Variants in ADGRV1 observed in about 807,000 individuals in gnomAD.
The protein encoded by ADGRV1 is G-protein coupled receptor 98.
A neutral mutation model predicts 596.2 loss-of-function variants in ADGRV1; 359 were observed. That is an observed-to-expected ratio of 0.60 (90% CI 0.55 to 0.66). ADGRV1 has a LOEUF of 0.66. Among genes scored for constraint, ADGRV1 ranks in the 30% least tolerant of loss-of-function variants. The probability of loss-of-function intolerance (pLI) is 0.00; values close to 1 mark genes in which losing one functional copy is unlikely to be tolerated. For missense variants in ADGRV1, 7,274 were observed against 7,575.6 expected (o/e 0.96, Z 1.48); for synonymous variants, 2,681 against 2,679.2 (o/e 1.00, Z -0.02).
In ADGRV1 at chr5:91,102,229, G is replaced by T; in HGVS notation, c.18321G>T (p.Leu6107=). ...TTTTTTTATTTCTAGAAATTCCACT[G>T]ATTTTATATCTCTTTGCTCTGATTT... ...RGRTNAAEIP[L]ILYLFALISV... Residue 6107 remains leucine (L), a synonymous_variant, in exon 87 of 90, where the codon CTG becomes CTT. Coordinates refer to ENST00000405460, the MANE Select transcript of ADGRV1 (RefSeq NM_032119.4). 1 of 1,607,450 alleles carries T rather than the reference G, an allele frequency of 6.2e-7. No homozygotes were observed.
intron 83 of ADGRV1, among the ~76,000 whole-genome samples, chr5:90,889,163 C>G (rs1471196379): frequency 6.6e-6 from 1 of 152,144 alleles, no homozygotes; most frequent in Admixed American, 6.5e-5. Flanking sequence ...AATATACCCC[C>G]ACTTGTTTGT....
At chr5:90,568,970 A>G (rs1329148632) in intron 1 of ADGRV1, among the ~76,000 whole-genome samples, 1 of 152,178 alleles carries the variant, frequency 6.6e-6, no homozygotes, top group Non-Finnish European at 1.5e-5. Flanking sequence ...TTTATAAGCA[A>G]TAGAAGTTTA....
intron 86 of ADGRV1, among the ~76,000 whole-genome samples, chr5:91,088,668 G>C (rs140121376): frequency 6.4e-4 from 97 of 152,190 alleles, no homozygotes; most frequent in African/African-American, 2.2e-3. Context: ...ATGTAGTTAT[G>C]AGCCTGGGGC....
intron 77 of ADGRV1, among the ~76,000 whole-genome samples, chr5:90,832,081 G>T (rs1178591705): frequency 1.3e-5 from 2 of 152,090 alleles, no homozygotes; most frequent in African/African-American, 4.8e-5. Flanking sequence ...TTTCTTTTGG[G>T]TATATCCCTA....
intron 83 of ADGRV1, among the ~76,000 whole-genome samples, chr5:90,925,353 T>C (rs1774324338): frequency 6.6e-6 from 1 of 151,486 alleles, no homozygotes; most frequent in Non-Finnish European, 1.5e-5. Flanking sequence ...TCACATCCCT[T>C]GTAAGTTGGA....
intron 50 of ADGRV1, among the ~76,000 whole-genome samples, chr5:90,732,952 G>A (rs535557409): frequency 3.9e-5 from 6 of 152,314 alleles, no homozygotes; most frequent in Non-Finnish European, 7.3e-5. Flanking sequence ...GTGAGATAGA[G>A]AAATCCTTGA....
chr5:90,645,165 G>T (rs1013146191), intron 15 of ADGRV1, among the ~76,000 whole-genome samples: 6 of 152,228 alleles, frequency 3.9e-5, no homozygotes, highest in African/African-American at 1.4e-4. Flanking sequence ...TTGAAGGCAA[G>T]GTCATCTATC....
intron 83 of ADGRV1, among the ~76,000 whole-genome samples, chr5:90,895,876 T>A (rs1771261745): frequency 6.6e-6 from 1 of 152,182 alleles, no homozygotes; most frequent in South Asian, 2.1e-4. Context: ...TTCATAACTT[T>A]GCTTTGTGAA....
At position 90,756,620 on chromosome 5, in the gene ADGRV1, A is replaced by C; in HGVS notation, c.11747A>C (p.His3916Pro). 1 of 1,613,180 alleles carries C rather than the reference A, an allele frequency of 6.2e-7. No individual in the cohort carries two copies. The highest frequency in any genetic ancestry group is 1.1e-5 in the South Asian group (1 of 91,040). ...NDDPRGIFMF[H>P]VTRGAGEVIT... Reference sequence around the variant, plus strand: ...GATCCCAGAGGAATTTTTATGTTTCATGTTACTAGAGTGAGATGAACTTTC... The same window carrying C: ...GATCCCAGAGGAATTTTTATGTTTCCTGTTACTAGAGTGAGATGAACTTTC... Residue 3916 changes from histidine to proline, a missense_variant, in exon 56 of 90, where the codon CAT (histidine) becomes CCT (proline). This residue lies in a region of ADGRV1 where 3,643 missense variants were observed against 3,809.2 expected (regional missense o/e 0.96). Transcript: ENST00000405460.
chr5:90,708,380 T>A (rs1748884771), intron 38 of ADGRV1, among the ~76,000 whole-genome samples: 1 of 151,668 alleles, frequency 6.6e-6, no homozygotes, highest in African/African-American at 2.4e-5. Context: ...TTCTAAAATT[T>A]AAGTAACTTA....
intron 83 of ADGRV1, among the ~76,000 whole-genome samples, chr5:90,867,529 A>G (rs768280384): frequency 3.9e-5 from 6 of 152,158 alleles, no homozygotes; most frequent in Non-Finnish European, 8.8e-5. Context: ...TTGCGAAAAG[A>G]TTCTGCTTTA....
chr5:90,781,332 T>C, intron 64 of ADGRV1, 98 bp from the exon 65 acceptor site: 1 of 863,750 alleles, frequency 1.2e-6, no homozygotes, highest in Non-Finnish European at 1.9e-6. Flanking sequence ...AGAACTAAGT[T>C]GTAGGAGCTA....
At chr5:90,806,877 G>C (rs1032488104) in intron 72 of ADGRV1, among the ~76,000 whole-genome samples, 20 of 151,222 alleles carry the variant, frequency 1.3e-4, no homozygotes, top group Admixed American at 6.6e-4. Flanking sequence ...TTTTGAGACA[G>C]AGTCTTGCTC....
chr5:90,744,146 G>A (rs1754335018), intron 50 of ADGRV1, among the ~76,000 whole-genome samples: 1 of 152,040 alleles, frequency 6.6e-6, no homozygotes, highest in East Asian at 1.9e-4. Context: ...TTGCCACCAT[G>A]CCTGGCTAAT....
At chr5:91,072,852 G>A (rs1293850265) in intron 86 of ADGRV1, among the ~76,000 whole-genome samples, 1 of 152,092 alleles carries the variant, frequency 6.6e-6, no homozygotes, top group East Asian at 1.9e-4. Flanking sequence ...CCAAGTAAAT[G>A]AGTCGCAGCC....
chr5:90,810,539 C>T lies in ADGRV1; in HGVS notation c.15279C>T (p.Asn5093=). ...LSEIEEFFYI[N]LTSVEIRGLQ... ...AGATAGAAGAATTTTTTTACATTAA[C>T]CTTACTTCAGTAGAAATTAGGGGAT... Residue 5093 remains asparagine (N), a synonymous_variant, in exon 74 of 90, where the codon AAC becomes AAT. Coordinates refer to ENST00000405460, the MANE Select transcript of ADGRV1 (RefSeq NM_032119.4). 4 of 1,613,648 alleles carry T rather than the reference C, an allele frequency of 2.5e-6. No homozygotes were observed. Among genetic ancestry groups the T allele is most frequent in the South Asian group, 2.2e-5 (2 of 91,072 alleles).
chr5:90,709,203 T>G (rs1182145543), intron 39 of ADGRV1, among the ~76,000 whole-genome samples: 1 of 152,210 alleles, frequency 6.6e-6, no homozygotes, highest in Non-Finnish European at 1.5e-5. Context: ...TCATTTTCTT[T>G]TAAAATTAGC....
intron 1 of ADGRV1, among the ~76,000 whole-genome samples, chr5:90,584,227 C>T (rs543098312): frequency 7.8e-4 from 119 of 152,252 alleles, no homozygotes; most frequent in Non-Finnish European, 1.4e-3. Flanking sequence ...TACTGTGACA[C>T]GTAAAATTCA....
intron 83 of ADGRV1, among the ~76,000 whole-genome samples, chr5:90,918,341 A>C (rs1296335195): frequency 6.6e-6 from 1 of 152,178 alleles, no homozygotes; most frequent in Non-Finnish European, 1.5e-5. Flanking sequence ...TCCGGAGAGA[A>C]ATGATCCAAA....
Sources: gnomAD v4.1 joint callset for allele counts (sites outside exome capture counted in the v4.1 genomes callset) on GRCh38, gnomAD v4.1.1 for gene constraint, gnomAD v4.1.1 regional missense constraint, MANE v1.5 for transcripts, NCBI Gene and HGNC (gene_info 2026-07-23, HGNC 2026-07-21) for gene names.